OTC: variants seen among roughly 807,000 people sequenced by gnomAD.
OTC encodes ornithine transcarbamylase, mitochondrial.
A neutral mutation model predicts 30.3 loss-of-function variants in OTC; 3 were observed. The ratio of observed to expected loss-of-function variants is 0.10; its 90% CI spans 0.05 to 0.26. The LOEUF is 0.26. OTC is among the 10% of genes least tolerant of loss of function. The pLI is 1.00. For synonymous variants in OTC, 111 were observed against 99.7 expected (o/e 1.11, Z -0.67); for missense variants, 194 against 260.3 (o/e 0.75, Z 1.75).
At chrX:38,351,872 T>C (rs1443070282), upstream of OTC, among the ~76,000 whole-genome samples, 2 of 111,713 alleles carry the variant, frequency 1.8e-5, no homozygotes, top group East Asian at 5.6e-4. Flanking sequence ...GCGACTCTCA[T>C]GCCTCAGCCT....
intron 3 of OTC, among the ~76,000 whole-genome samples, chrX:38,375,234 A>G (rs948057991): frequency 2.7e-5 from 3 of 112,098 alleles, no homozygotes; most frequent in Non-Finnish European, 5.6e-5. Flanking sequence ...TTGGAAGATG[A>G]TAAGTACTCT....
At position 38,368,758 on chromosome X, in the gene OTC, C is replaced by T. The variant is rs1297613723; in HGVS notation, c.217-1038C>T. Among the ~76,000 whole-genome samples the T allele has an allele frequency of 5.1e-5, 5 of 98,740 alleles. No homozygotes were observed. In the East Asian group the frequency reaches 1.6e-3, roughly 31 times the overall value. 85.7% of individuals were successfully genotyped at this position (98,740 alleles called of 115,157 possible). ...CCAAGCTCCTAAGAAAAACTGAGGA[C>T]AGGAGTGACCGCAACTGCTATGGGT... On this transcript the variant is annotated intron_variant, in intron 2 of 9. Coordinates refer to ENST00000039007, the MANE Select transcript of OTC (RefSeq NM_000531.6).
chrX:38,397,080 C>G (rs1016932433), intron 4 of OTC, among the ~76,000 whole-genome samples: 1 of 98,807 alleles, frequency 1.0e-5, no homozygotes, highest in Non-Finnish European at 2.1e-5. Flanking sequence ...AACAAAAACC[C>G]ACAAATATCT....
chrX:38,339,170 C>G, the OTC span, among the ~76,000 whole-genome samples: 2 of 111,979 alleles, frequency 1.8e-5, no homozygotes, highest in Non-Finnish European at 3.8e-5. Flanking sequence ...TGCTTTCTTT[C>G]TGTTTCTCCC....
At chrX:38,341,317 T>C in the OTC span, among the ~76,000 whole-genome samples, 1 of 111,267 alleles carries the variant, frequency 9.0e-6, no homozygotes, top group East Asian at 2.8e-4. Flanking sequence ...GAAGATGATA[T>C]GTGAACAACA....
At chrX:38,418,557 A>T (rs757326551) in intron 9 of OTC, among the ~76,000 whole-genome samples, 1 of 112,038 alleles carries the variant, frequency 8.9e-6, no homozygotes, top group Non-Finnish European at 1.9e-5. Flanking sequence ...GACTCATGTC[A>T]TAGAGCTTGA....
chrX:38,403,146 C>T (rs2068497771), intron 5 of OTC, among the ~76,000 whole-genome samples: 1 of 111,730 alleles, frequency 9.0e-6, no homozygotes, highest in Non-Finnish European at 1.9e-5. Flanking sequence ...TTGTCAACTT[C>T]GTATAATGGG....
At chrX:38,349,600 G>A (rs777964546), upstream of OTC, among the ~76,000 whole-genome samples, 70 of 112,639 alleles carry the variant, frequency 6.2e-4, no homozygotes, top group Non-Finnish European at 9.9e-4. Context: ...TGCAGATGCC[G>A]GAACCATTCT....
At chrX:38,395,468 A>G (rs926655259) in intron 4 of OTC, 19 of 118,926 alleles carry the variant, frequency 1.6e-4, no homozygotes, top group Non-Finnish European at 3.3e-4. Flanking sequence ...GTGCTCAAAC[A>G]TCACAAGGCC....
At chrX:38,350,969 G>A (rs1386303608), upstream of OTC, among the ~76,000 whole-genome samples, 1 of 111,781 alleles carries the variant, frequency 8.9e-6, no homozygotes, top group African/African-American at 3.3e-5. Flanking sequence ...TATGTGGAGC[G>A]CTTTTGCTCT....
At chrX:38,401,091 G>C (rs1269099737) in intron 4 of OTC, among the ~76,000 whole-genome samples, 184 bp from the exon 5 acceptor site, 1 of 112,087 alleles carries the variant, frequency 8.9e-6, no homozygotes, top group African/African-American at 3.2e-5. Context: ...GTGGGAGGTA[G>C]AACATCTGGC....
intron 3 of OTC, among the ~76,000 whole-genome samples, chrX:38,380,013 GT>G (rs2068367991): frequency 8.9e-6 from 1 of 111,818 alleles, no homozygotes; most frequent in East Asian, 2.8e-4. Context: ...ACTTGTTTTG[GT>G]TGTTGAACTA....
intron 9 of OTC, among the ~76,000 whole-genome samples, chrX:38,419,597 G>A (rs778919174): frequency 1.4e-4 from 16 of 111,726 alleles, no homozygotes; most frequent in African/African-American, 4.9e-4. Context: ...TGTTGCAAAT[G>A]TGATTATTTT....
intron 1 of OTC, among the ~76,000 whole-genome samples, chrX:38,354,496 G>A (rs1412633901): frequency 2.7e-5 from 3 of 110,525 alleles, no homozygotes; most frequent in East Asian, 2.8e-4. Context: ...TAATTATTAC[G>A]GATTAAATTT....
intron 3 of OTC, among the ~76,000 whole-genome samples, chrX:38,377,184 G>A (rs1003753134): frequency 9.0e-5 from 10 of 111,619 alleles, no homozygotes; most frequent in African/African-American, 2.9e-4. Flanking sequence ...ATATAAACGC[G>A]TGGAAATTTA....
At chrX:38,420,688 A>G (rs973220310) in intron 9 of OTC, among the ~76,000 whole-genome samples, 15 of 110,754 alleles carry the variant, frequency 1.4e-4, no homozygotes, top group African/African-American at 4.9e-4. Context: ...ATATTTCTCT[A>G]AAACTAGCCA....
chrX:38,340,936 A>T, the OTC span, among the ~76,000 whole-genome samples: 1 of 110,324 alleles, frequency 9.1e-6, no homozygotes, highest in Non-Finnish European at 1.9e-5. Flanking sequence ...AGCTGGGATT[A>T]CAGGCGCCTG....
chrX:38,405,399 C>T (rs1358482749), intron 6 of OTC, among the ~76,000 whole-genome samples: 1 of 111,426 alleles, frequency 9.0e-6, no homozygotes, highest in Non-Finnish European at 1.9e-5. Flanking sequence ...CCTTTTTTGC[C>T]TCTTCCTGCT....
At chrX:38,407,430 A>G (rs1463323706) in intron 6 of OTC, among the ~76,000 whole-genome samples, 1 of 112,265 alleles carries the variant, frequency 8.9e-6, no homozygotes, top group East Asian at 2.8e-4. Context: ...AGCGTTCACC[A>G]CAATGCTTCA....
Sources: gnomAD v4.1 joint callset for allele counts (sites outside exome capture counted in the v4.1 genomes callset) on GRCh38, gnomAD v4.1.1 for gene constraint, MANE v1.5 for transcripts, NCBI Gene and HGNC (gene_info 2026-07-23, HGNC 2026-07-21) for gene names.